Variants in AFF2 observed in about 807,000 individuals in gnomAD.
AFF2 encodes the protein ALF transcription elongation factor 2.
In AFF2, 14 loss-of-function variants were observed where a neutral mutation model predicts 76.9. The ratio of observed to expected loss-of-function variants is 0.18; its 90% confidence interval spans 0.12 to 0.28. The LOEUF is 0.28. AFF2 is among the 10% of genes least tolerant of loss of function. The pLI is 1.00. For missense variants in AFF2, 868 were observed against 1,001.1 expected, an observed-to-expected ratio of 0.87 and a Z score of 1.79; for synonymous variants, 398 against 366.7, an observed-to-expected ratio of 1.09 and a Z score of -0.98.
chrX:148,955,403 T>C (rs987450248), intron 10 of AFF2, among the ~76,000 whole-genome samples, 200 bp from the exon 11 acceptor site: 1 of 112,478 alleles, frequency 8.9e-6, no homozygotes, highest in African/African-American at 3.2e-5. Context: ...CTGCAGCTGG[T>C]TTGTATCTGA....
intron 1 of AFF2, among the ~76,000 whole-genome samples, chrX:148,590,253 T>C (rs140432793): frequency 3.6e-3 from 390 of 109,586 alleles, no homozygotes; most frequent in Non-Finnish European, 4.9e-3. Context: ...AATATGAAAA[T>C]CCATCAATAT....
chrX:148,661,864 T>A (rs1418043109), intron 2 of AFF2, 44 bp from the exon 3 acceptor site: 1 of 1,134,768 alleles, frequency 8.8e-7, no homozygotes, highest in Non-Finnish European at 1.2e-6. Context: ...AACACAAACC[T>A]ATTCATTCTC....
chrX:148,593,272 C>T lies in AFF2; in HGVS notation c.48-58727C>T, dbSNP rs189971796. ...TTTTATAATTAGTGTATCATGGTTG[C>T]GTTTCTAGCTACTGACAAGGAGTCT... On this transcript the variant is annotated intron_variant, in intron 1 of 20. Transcript: ENST00000370460. 3.1e-4 allele frequency among the ~76,000 whole-genome samples: 35 copies of T among 112,190 alleles called. No individual in the cohort carries two copies. The East Asian group carries it at 8.7e-3, about 28-fold the overall frequency.
At chrX:148,660,387 T>G (rs2054292389) in intron 2 of AFF2, among the ~76,000 whole-genome samples, 1 of 111,382 alleles carries the variant, frequency 9.0e-6, no homozygotes, top group Non-Finnish European at 1.9e-5. Flanking sequence ...CATTCTATGT[T>G]TTCTTTCCCC....
intron 4 of AFF2, among the ~76,000 whole-genome samples, chrX:148,827,847 T>C: frequency 8.9e-6 from 1 of 111,934 alleles, no homozygotes; most frequent in Middle Eastern, 4.6e-3. Flanking sequence ...TCTGAATGAA[T>C]GAAATTAAAT....
chrX:148,698,803 T>G (rs1206847312), intron 3 of AFF2, among the ~76,000 whole-genome samples: 5 of 106,689 alleles, frequency 4.7e-5, no homozygotes, highest in East Asian at 5.8e-4. Context: ...TAGTGTTTTT[T>G]TTTTTTTTTT....
chrX:148,804,361 C>T (rs927744729), intron 3 of AFF2, among the ~76,000 whole-genome samples: 3 of 111,733 alleles, frequency 2.7e-5, no homozygotes, highest in Non-Finnish European at 5.6e-5. Context: ...CCCCTTGGAG[C>T]CCCCAGAAAA....
intron 1 of AFF2, among the ~76,000 whole-genome samples, chrX:148,609,146 C>T (rs1183373050): frequency 9.0e-6 from 1 of 110,928 alleles, no homozygotes; most frequent in Non-Finnish European, 1.9e-5. Context: ...TTAGGGGGCT[C>T]GCATATAGAT....
At chrX:148,704,868 T>C (rs2054863851) in intron 3 of AFF2, among the ~76,000 whole-genome samples, 1 of 110,233 alleles carries the variant, frequency 9.1e-6, no homozygotes, top group African/African-American at 3.3e-5. Flanking sequence ...GATCTCACTA[T>C]GTTGCCCAAG....
chrX:148,869,025 G>A (rs782376337), intron 7 of AFF2, among the ~76,000 whole-genome samples: 2 of 112,581 alleles, frequency 1.8e-5, no homozygotes, highest in Non-Finnish European at 3.8e-5. Flanking sequence ...CATGGCAGAT[G>A]CAAAAGTAAA....
At chrX:148,890,122 C>T (rs997799580) in intron 8 of AFF2, among the ~76,000 whole-genome samples, 18 of 112,014 alleles carry the variant, frequency 1.6e-4, no homozygotes, top group Admixed American at 6.6e-4. Context: ...AAATGTCTGT[C>T]ATCCTAAAGT....
chrX:148,945,630 A>G (rs781832132), intron 9 of AFF2, among the ~76,000 whole-genome samples: 1 of 112,028 alleles, frequency 8.9e-6, no homozygotes, highest in African/African-American at 3.2e-5. Flanking sequence ...GGTTAATAAG[A>G]TCTCCAGGTG....
In AFF2 at chrX:148,611,146, G is replaced by C. The variant is rs1471345135; in HGVS notation, c.48-40853G>C. Among the ~76,000 whole-genome samples, 3 of 111,893 alleles carry C rather than the reference G, an allele frequency of 2.7e-5. No individual in the cohort carries two copies. The East Asian group carries it at 8.6e-4, about 32-fold the overall frequency. On this transcript the variant is annotated intron_variant, in intron 1 of 20. Transcript: ENST00000370460. ...GGAAAGTTGGGCTAGATTTTCACTT[G>C]TGTGAATTTGCACCCTGGAAGTTGG...
intron 3 of AFF2, among the ~76,000 whole-genome samples, chrX:148,764,647 T>C (rs782468551): frequency 8.9e-6 from 1 of 112,522 alleles, no homozygotes; most frequent in Admixed American, 9.4e-5. Flanking sequence ...AAAGTCTCTT[T>C]TCGTACGTGT....
intron 7 of AFF2, among the ~76,000 whole-genome samples, chrX:148,867,925 G>A (rs2070927149): frequency 1.8e-5 from 2 of 111,634 alleles, no homozygotes; most frequent in Admixed American, 1.9e-4. Context: ...CAAAGACAAA[G>A]GGATTTCCAG....
chrX:148,695,227 T>G (rs1459341683), intron 3 of AFF2, among the ~76,000 whole-genome samples: 1 of 111,982 alleles, frequency 8.9e-6, no homozygotes, highest in Non-Finnish European at 1.9e-5. Flanking sequence ...TGAGAGCCTA[T>G]TAAGTACAAA....
chrX:148,513,534 G>A (rs2052504565), intron 1 of AFF2, among the ~76,000 whole-genome samples: 1 of 111,638 alleles, frequency 9.0e-6, no homozygotes, highest in Non-Finnish European at 1.9e-5. Context: ...TTAGAAGAAG[G>A]GGGAGGTTTT....
intron 15 of AFF2, among the ~76,000 whole-genome samples, chrX:148,969,970 C>T (rs1479531783): frequency 7.2e-5 from 8 of 111,568 alleles, no homozygotes; most frequent in Non-Finnish European, 1.5e-4. Context: ...ACATCAGCTA[C>T]TCCTAGGGAC....
intron 1 of AFF2, among the ~76,000 whole-genome samples, chrX:148,565,699 C>T (rs1013442178): frequency 1.8e-5 from 2 of 110,944 alleles, no homozygotes; most frequent in Admixed American, 1.9e-4. Context: ...ATTTTTGTTT[C>T]ATTGACATTC....
Sources: gnomAD v4.1 joint callset for allele counts (sites outside exome capture counted in the v4.1 genomes callset) on GRCh38, gnomAD v4.1.1 for gene constraint, MANE v1.5 for transcripts, NCBI Gene and HGNC (gene_info 2026-07-23, HGNC 2026-07-21) for gene names.